The following ESRRB variants were observed in gnomAD, a reference collection of about 807,000 sequenced individuals.
The protein encoded by ESRRB is estrogen related receptor beta.
ESRRB carries 16 observed loss-of-function variants against 46.0 expected under a neutral mutation model. The observed-to-expected ratio is 0.35, with a 90% CI of 0.24 to 0.53. ESRRB has a LOEUF of 0.53. Ranked by LOEUF, ESRRB falls within the 20% of genes least tolerant of loss-of-function variation. The probability of loss-of-function intolerance (pLI) is 0.93; values close to 1 mark genes in which losing one functional copy is unlikely to be tolerated. For synonymous variants in ESRRB, 246 were observed against 259.6 expected, an observed-to-expected ratio of 0.95 and a Z score of 0.50; for missense variants, 488 against 607.4, an observed-to-expected ratio of 0.80 and a Z score of 2.07.
chr14:76,359,603 C>T (rs950974538), intron 1 of ESRRB, among the ~76,000 whole-genome samples: 1 of 152,138 alleles, frequency 6.6e-6, no homozygotes, highest in Non-Finnish European at 1.5e-5. Flanking sequence ...AGGTCCAGAG[C>T]CAGTGCTCTT....
In ESRRB at chr14:76,500,124, A is replaced by G; in HGVS notation, c.*1666A>G. 3.4e-6 allele frequency: 5 copies of G among 1,449,366 alleles called. No individual in the cohort carries two copies. Among genetic ancestry groups the G allele is most frequent in the Non-Finnish European group, 4.7e-6 (5 of 1,065,286 alleles). The allele number at this position is 1,449,366 out of a possible 1,614,324, so 89.8% of individuals were successfully genotyped here. ...GGTCCCACCTCCTTGGCTCTACCCC[A>G]GGAACCTCCCGGCCTGGGCTTCTGG... On this transcript the variant is annotated 3_prime_UTR_variant, in exon 7 of 7. Coordinates refer to ENST00000644823, the MANE Select transcript of ESRRB (RefSeq NM_001379180.1).
intron 1 of ESRRB, among the ~76,000 whole-genome samples, chr14:76,317,695 A>T (rs1215235839): frequency 6.6e-6 from 1 of 152,194 alleles, no homozygotes; most frequent in African/African-American, 2.4e-5. Context: ...CTGTGGAAGG[A>T]GGCGGGTACC....
At chr14:76,335,824 T>A (rs1027105021) in intron 1 of ESRRB, among the ~76,000 whole-genome samples, 1 of 152,206 alleles carries the variant, frequency 6.6e-6, no homozygotes, top group African/African-American at 2.4e-5. Context: ...CATAAGTTAA[T>A]CACACCAACC....
At position 76,500,193 on chromosome 14, in the gene ESRRB, C is replaced by A; in HGVS notation, c.*1735C>A. On this transcript the variant is annotated 3_prime_UTR_variant, in exon 7 of 7. Coordinates refer to ENST00000644823, the MANE Select transcript of ESRRB (RefSeq NM_001379180.1). ...CATCCCAGACAGGAGGGAGGGCTGG[C>A]TGAAATCCACAAACTGCAGAGCAGC... The A allele has an allele frequency of 1.4e-6, 1 of 729,772 alleles. No individual in the cohort carries two copies. The highest frequency in any genetic ancestry group is 2.3e-6 in the Non-Finnish European group (1 of 442,834). 45.2% of individuals were successfully genotyped at this position (729,772 alleles called of 1,614,324 possible).
chr14:76,387,214 G>A (rs893164224), intron 1 of ESRRB, among the ~76,000 whole-genome samples: 3 of 152,170 alleles, frequency 2.0e-5, no homozygotes, highest in African/African-American at 4.8e-5. Flanking sequence ...CGCCAACAGG[G>A]TACCAGCGGA....
chr14:76,365,079 G>A (rs186529470), intron 1 of ESRRB, among the ~76,000 whole-genome samples: 20 of 152,326 alleles, frequency 1.3e-4, no homozygotes, highest in Admixed American at 1.3e-3. Flanking sequence ...ACATCTCATA[G>A]TTCGGGATTT....
chr14:76,324,957 CTTTTTCTTTTTTTTTT>C (rs1400440273), intron 1 of ESRRB, among the ~76,000 whole-genome samples: 74 of 115,838 alleles, frequency 6.4e-4, no homozygotes, highest in Non-Finnish European at 1.1e-3. Context: ...TTTTCTTTTT[CTTTTTCTTTTTTTTTT>C]TTTTTTTTTT....
At chr14:76,481,949 A>C in intron 3 of ESRRB, 67 bp from the exon 4 acceptor site, 4 of 1,475,524 alleles carry the variant, frequency 2.7e-6, no homozygotes, top group Non-Finnish European at 3.8e-6. Flanking sequence ...TGAAATTCCA[A>C]AGTCAGTGCT....
In ESRRB at chr14:76,500,007, A is replaced by G. The variant is rs1890601712; in HGVS notation, c.*1549A>G. The G allele has an allele frequency of 1.3e-6, 2 of 1,568,672 alleles. No individual in the cohort carries two copies. Among genetic ancestry groups the G allele is most frequent in the Non-Finnish European group, 1.7e-6 (2 of 1,156,062 alleles). On this transcript the variant is annotated 3_prime_UTR_variant, in exon 7 of 7. Coordinates refer to ENST00000644823, the MANE Select transcript of ESRRB (RefSeq NM_001379180.1). ...CCCCAATCCACGCCCTTCTAGTCCA[A>G]CCCCCCTCAATGAGAGAGGCAGGCA... is the stretch of plus-strand genomic sequence containing the variant.
At chr14:76,469,728 C>T (rs1372647056) in intron 3 of ESRRB, among the ~76,000 whole-genome samples, 1 of 152,042 alleles carries the variant, frequency 6.6e-6, no homozygotes, top group Non-Finnish European at 1.5e-5. Context: ...CCCTTCATCT[C>T]CATCTAGATA....
chr14:76,461,538 T>C (rs915432898), intron 2 of ESRRB, among the ~76,000 whole-genome samples: 2 of 150,436 alleles, frequency 1.3e-5, no homozygotes, highest in Non-Finnish European at 3.0e-5. Context: ...AGACAGAGTC[T>C]CGGTCTGTCA....
chr14:76,427,110 G>A (rs74068632), intron 1 of ESRRB, among the ~76,000 whole-genome samples: 87 of 152,218 alleles, frequency 5.7e-4, no homozygotes, highest in African/African-American at 1.9e-3. Flanking sequence ...TGCCAGCTTC[G>A]ATATTCTTCT....
rs186122872 is a variant in ESRRB at position 76,358,840 on chromosome 14, A to T, written c.2+47924A>T. Among the ~76,000 whole-genome samples, 535 of 152,374 alleles carry T rather than the reference A, an allele frequency of 3.5e-3. 2 individuals carry two copies. The highest frequency in any genetic ancestry group is 6.1e-3 in the Non-Finnish European group (415 of 68,028). On this transcript the variant is annotated intron_variant, in intron 1 of 6. Transcript: ENST00000512784. ...ACAGACTTAAGAGCTTAAAACATGT[A>T]GAATCTGTAAAACTTCTAAATTAGT...
At chr14:76,314,453 A>G (rs1255749142) in intron 1 of ESRRB, among the ~76,000 whole-genome samples, 1 of 152,172 alleles carries the variant, frequency 6.6e-6, no homozygotes, top group Admixed American at 6.5e-5. Context: ...ATTTGCTAGC[A>G]GCTAGGGAGC....
chr14:76,314,904 G>A (rs1456465774), intron 1 of ESRRB, among the ~76,000 whole-genome samples: 2 of 151,988 alleles, frequency 1.3e-5, no homozygotes, highest in Admixed American at 6.5e-5. Flanking sequence ...GGGAGGGCAG[G>A]AATCCCTGAT....
chr14:76,381,151 G>T (rs547175262), intron 1 of ESRRB, among the ~76,000 whole-genome samples: 1 of 152,240 alleles, frequency 6.6e-6, no homozygotes, highest in South Asian at 2.1e-4. Context: ...GCATGGGTGG[G>T]GTGGGATTAT....
intron 1 of ESRRB, among the ~76,000 whole-genome samples, chr14:76,313,399 A>G (rs557104539): frequency 1.2e-4 from 18 of 151,942 alleles, no homozygotes; most frequent in African/African-American, 4.3e-4. Flanking sequence ...TAACCATTCC[A>G]TCCTTGTCAT....
At chr14:76,328,814 C>A (rs1413625668) in intron 1 of ESRRB, among the ~76,000 whole-genome samples, 4 of 152,146 alleles carry the variant, frequency 2.6e-5, no homozygotes. Context: ...TCTGCAGTAG[C>A]CCCTGAGTCC....
chr14:76,487,036 C>A (rs1309097365), intron 5 of ESRRB, among the ~76,000 whole-genome samples: 3 of 152,154 alleles, frequency 2.0e-5, no homozygotes, highest in Admixed American at 2.0e-4. Flanking sequence ...GTTCCAAATT[C>A]CCCATCCTAA....
Sources: gnomAD v4.1 joint callset for allele counts (sites outside exome capture counted in the v4.1 genomes callset) on GRCh38, gnomAD v4.1.1 for gene constraint, MANE v1.5 for transcripts, NCBI Gene and HGNC (gene_info 2026-07-23, HGNC 2026-07-21) for gene names.